The following PDE4C variants were observed in gnomAD, a reference collection of about 807,000 sequenced individuals.
PDE4C encodes 3',5'-cyclic-AMP phosphodiesterase 4C.
PDE4C carries 50 observed loss-of-function variants against 63.9 expected under a neutral mutation model. The observed-to-expected ratio is 0.78, with a 90% confidence interval of 0.62 to 0.99. The LOEUF is 0.99. Among genes scored for constraint, PDE4C ranks in the 50% least tolerant of loss-of-function variants. PDE4C has a pLI of 0.00. For synonymous variants in PDE4C, 377 were observed against 385.1 expected, an observed-to-expected ratio of 0.98 and a Z score of 0.25; for missense variants, 777 against 899.1, an observed-to-expected ratio of 0.86 and a Z score of 1.74.
In PDE4C at chr19:18,218,256, G is replaced by A; in HGVS notation, c.1135-8C>T. 4.3e-6 allele frequency: 7 copies of A among 1,614,130 alleles called. No homozygotes were observed. The highest frequency in any genetic ancestry group is 5.9e-6 in the Non-Finnish European group (7 of 1,179,928). On this transcript the variant is annotated splice_polypyrimidine_tract_variant and splice_region_variant and intron_variant, in intron 10 of 14. Coordinates refer to ENST00000262805, the Ensembl canonical transcript of PDE4C. ...CAAGTCTGTGAACACAGCCTGAGCA[G>A]GCAGAGGGCACAGGCGGTGAGGGGC...
At chr19:18,226,374 G>C (rs1968724588) in exon 1 of PDE4C, 1 of 1,484,790 alleles carries the variant, frequency 6.7e-7, no homozygotes, top group Admixed American at 2.4e-5. Flanking sequence ...CCCGAGGGGA[G>C]CCGGGCCCGG....
At chr19:18,242,462 G>C (rs1249776308) in intron 1 of PDE4C, among the ~76,000 whole-genome samples, 2 of 114,940 alleles carry the variant, frequency 1.7e-5, no homozygotes, top group African/African-American at 6.9e-5. Flanking sequence ...GGCAACAAAG[G>C]GAGACTCCAT....
At chr19:18,214,962 A>C (rs1013470972) in intron 12 of PDE4C, among the ~76,000 whole-genome samples, 5 of 152,030 alleles carry the variant, frequency 3.3e-5, no homozygotes, top group African/African-American at 4.8e-5. Flanking sequence ...AAAAAAAAAA[A>C]AAAAAACTTA....
upstream of PDE4C, among the ~76,000 whole-genome samples, chr19:18,234,812 A>C (rs1338591930): frequency 1.3e-5 from 2 of 152,108 alleles, no homozygotes; most frequent in African/African-American, 2.4e-5. Flanking sequence ...ACTGAATTCA[A>C]GCCCCAGTAC....
At chr19:18,213,410 G>C (rs780785976) in exon 13 of PDE4C, 1 of 1,613,796 alleles carries the variant, frequency 6.2e-7, no homozygotes, top group Non-Finnish European at 8.5e-7. Flanking sequence ...GGACACCGAG[G>C]CTTGTCACCT....
At chr19:18,217,928 C>G (rs902325874) in intron 11 of PDE4C, among the ~76,000 whole-genome samples, 1 of 152,088 alleles carries the variant, frequency 6.6e-6, no homozygotes, top group Admixed American at 6.6e-5. Context: ...CTTGGTGGAA[C>G]CAGATCAGCT....
intron 1 of PDE4C, chr19:18,224,589 C>G: frequency 1.2e-6 from 1 of 865,218 alleles, no homozygotes; most frequent in South Asian, 5.3e-5. Context: ...CGAGCTTGTT[C>G]GCCTAAGTCC....
intron 1 of PDE4C, among the ~76,000 whole-genome samples, chr19:18,245,969 G>A (rs11673146): frequency 0.026 from 3,908 of 150,062 alleles, 65 homozygotes; most frequent in Middle Eastern, 0.046. Context: ...TCAGCCTCCC[G>A]AGTAGGTGGG....
intron 1 of PDE4C, among the ~76,000 whole-genome samples, chr19:18,241,805 C>T (rs1568268443): frequency 1.3e-5 from 2 of 152,188 alleles, no homozygotes; most frequent in African/African-American, 4.8e-5. Context: ...AAACCTCAGC[C>T]TCCCAAAGTG....
At position 18,245,861 on chromosome 19, in the gene PDE4C, T is replaced by C. The variant is rs914468557; in HGVS notation, c.-210+2310A>G. On this transcript the variant is annotated intron_variant, in intron 1 of 15. Transcript: ENST00000594617. ...TTTATTTATTATTATCATTATTTTT[T>C]GAGACGGAGTCTCGCTCTGTTGTCC... is the stretch of plus-strand genomic sequence containing the variant. Among the ~76,000 whole-genome samples the C allele has an allele frequency of 1.5e-3, 236 of 152,286 alleles. 4 individuals are homozygous for C. The highest frequency in any genetic ancestry group is 0.015 in the Admixed American group (233 of 15,286).
intron 1 of PDE4C, chr19:18,224,292 GGACCGCCTGAGACTCGGAGC>G (rs1213724586): frequency 1.0e-6 from 1 of 985,378 alleles, no homozygotes; most frequent in East Asian, 1.1e-4. Context: ...AAGACAACCG[GGACCGCCTGAGACTCGGAGC>G]TCCCGGCCGA....
At chr19:18,243,602 C>G (rs73520971) in intron 1 of PDE4C, among the ~76,000 whole-genome samples, 3,309 of 152,244 alleles carry the variant, frequency 0.022, 145 homozygotes, top group East Asian at 0.14. Flanking sequence ...ATGTTTGGAT[C>G]TGGAATTATG....
downstream of PDE4C, chr19:18,209,251 A>AT (rs897625586): frequency 3.3e-4 from 47 of 140,374 alleles, 1 homozygote; most frequent in South Asian, 4.5e-4. Context: ...TGCCTGGCTA[A>AT]TTTTTTTTTT....
intron 4 of PDE4C, 29 bp downstream of exon 4, chr19:18,221,076 G>A: frequency 1.4e-6 from 1 of 724,474 alleles, no homozygotes; most frequent in East Asian, 2.9e-5. Context: ...TGCCGGCCCC[G>A]CCCCCGCCCC....
chr19:18,211,049 T>TTCTTCCTCCTCATCC, exon 15 of PDE4C: 2 of 1,614,236 alleles, frequency 1.2e-6, no homozygotes, highest in Non-Finnish European at 8.5e-7. Flanking sequence ...CCCCCTCCTC[T>TTCTTCCTCCTCATCC]TCTTCCTCCT....
At chr19:18,212,804 C>T (rs560913548) in intron 13 of PDE4C, among the ~76,000 whole-genome samples, 1 of 151,790 alleles carries the variant, frequency 6.6e-6, no homozygotes, top group Non-Finnish European at 1.5e-5. Flanking sequence ...TTCTCTGCCT[C>T]AGCCTCCCGA....
At position 18,211,087 on chromosome 19, in the gene PDE4C, T is replaced by A. The variant is rs149096279; in HGVS notation, c.1885A>T (p.Thr629Ser). 18 of 1,614,096 alleles carry A rather than the reference T, an allele frequency of 1.1e-5. No homozygotes were observed. In the African/African-American group the frequency reaches 2.3e-4, roughly 20 times the overall value. Residue 629 changes from threonine to serine, a missense_variant, in exon 15 of 15, where the codon ACT becomes TCT. Around this residue, in one of 3 missense-constraint regions of PDE4C, gnomAD observed 500 missense variants for 597.8 expected, o/e 0.84. Coordinates refer to ENST00000262805, the Ensembl canonical transcript of PDE4C. ...TCCTCTTCCTCTGCCTCCTCCAGAG[T>A]CAGTTCAAACTGGAATCTGTCAGGC... is the stretch of plus-strand genomic sequence containing the variant.
intron 12 of PDE4C, among the ~76,000 whole-genome samples, chr19:18,215,676 A>G (rs1415689149): frequency 6.7e-6 from 1 of 150,300 alleles, no homozygotes. Flanking sequence ...CACCACACCC[A>G]GCTAATTTTT....
upstream of PDE4C, among the ~76,000 whole-genome samples, chr19:18,238,243 T>G (rs982052339): frequency 6.6e-6 from 1 of 151,606 alleles, no homozygotes; most frequent in Non-Finnish European, 1.5e-5. Flanking sequence ...TCTCTCTTTT[T>G]TTTTTTTTTC....
Sources: allele counts gnomAD v4.1 joint callset (sites outside exome capture counted in the v4.1 genomes callset), GRCh38; gene constraint gnomAD v4.1.1; regional missense constraint gnomAD v4.1.1; transcripts MANE v1.5; gene names NCBI Gene and HGNC (gene_info 2026-07-23, HGNC 2026-07-21).